Variants in PRELID2 observed in about 807,000 individuals in gnomAD.
The protein encoded by PRELID2 is PRELI domain-containing protein 2.
A neutral mutation model predicts 28.4 loss-of-function variants in PRELID2; 25 were observed. That is an observed-to-expected ratio of 0.88 (90% CI 0.64 to 1.23). The LOEUF is 1.23. PRELID2 is among the 50% of genes most tolerant of loss of function. PRELID2 has a pLI of 0.00. For missense variants in PRELID2, 201 were observed against 214.4 expected (o/e 0.94, Z 0.39); for synonymous variants, 76 against 71.6 (o/e 1.06, Z -0.31).
chr5:145,679,145 C>A (rs1224492168), intron 1 of PRELID2, among the ~76,000 whole-genome samples: 2 of 152,182 alleles, frequency 1.3e-5, no homozygotes, highest in African/African-American at 2.4e-5. Context: ...CTTCCAAGCC[C>A]TTCTTGGCCC....
At chr5:145,437,480 CT>C in the PRELID2 span, among the ~76,000 whole-genome samples, 1 of 152,116 alleles carries the variant, frequency 6.6e-6, no homozygotes, top group Non-Finnish European at 1.5e-5. Flanking sequence ...AATTAAATGT[CT>C]TTAGTATATT....
the PRELID2 span, among the ~76,000 whole-genome samples, chr5:145,234,097 G>A: frequency 6.6e-6 from 1 of 152,176 alleles, no homozygotes; most frequent in South Asian, 2.1e-4. Context: ...TTATATGCAA[G>A]AGAATATAAG....
intron 2 of PRELID2, 39 bp downstream of exon 2, chr5:145,823,038 T>G: frequency 1.9e-6 from 2 of 1,076,002 alleles, no homozygotes; most frequent in Non-Finnish European, 2.9e-6. Flanking sequence ...TCACTATCAT[T>G]TAATGATCAT....
At chr5:145,831,328 G>A (rs1359626083) in intron 1 of PRELID2, among the ~76,000 whole-genome samples, 1 of 152,158 alleles carries the variant, frequency 6.6e-6, no homozygotes, top group Non-Finnish European at 1.5e-5. Context: ...AAAGGAAGGA[G>A]TAACTTTTTC....
chr5:145,608,912 A>G (rs761137795), intron 1 of PRELID2, among the ~76,000 whole-genome samples: 1 of 152,176 alleles, frequency 6.6e-6, no homozygotes, highest in Non-Finnish European at 1.5e-5. Context: ...ACATAATCTC[A>G]TATTTCTCCA....
intron 1 of PRELID2, among the ~76,000 whole-genome samples, chr5:145,678,791 T>C (rs1251619656): frequency 4.6e-5 from 7 of 152,192 alleles, no homozygotes; most frequent in Non-Finnish European, 7.3e-5. Context: ...GTAATAATAC[T>C]TCCTTTGTAA....
chr5:145,401,269 G>A, the PRELID2 span, among the ~76,000 whole-genome samples: 2 of 149,806 alleles, frequency 1.3e-5, no homozygotes, highest in Middle Eastern at 3.2e-3. Flanking sequence ...CATTATCCTT[G>A]GTAAAATATG....
the PRELID2 span, chr5:145,229,952 G>T: frequency 1.3e-6 from 1 of 747,282 alleles, no homozygotes; most frequent in Admixed American, 1.8e-5. Context: ...GCGTGAACGT[G>T]CAGGGTGATT....
At chr5:145,498,594 A>G (rs1273373789) in intron 1 of PRELID2, among the ~76,000 whole-genome samples, 1 of 152,070 alleles carries the variant, frequency 6.6e-6, no homozygotes, top group African/African-American at 2.4e-5. Flanking sequence ...CAGTGGCACA[A>G]TCTCAGCTCA....
At chr5:145,487,840 T>A (rs1255548947) in intron 1 of PRELID2, among the ~76,000 whole-genome samples, 1 of 151,882 alleles carries the variant, frequency 6.6e-6, no homozygotes. Flanking sequence ...GAAATGGAAT[T>A]GGAGGCCGGG....
chr5:145,384,274 T>C, the PRELID2 span, among the ~76,000 whole-genome samples: 10 of 152,286 alleles, frequency 6.6e-5, no homozygotes, highest in East Asian at 1.9e-4. Context: ...CCAAGATTAA[T>C]GACAGCATAA....
chr5:145,786,580 TC>T (rs1369066469), intron 5 of PRELID2, among the ~76,000 whole-genome samples: 1 of 152,158 alleles, frequency 6.6e-6, no homozygotes, highest in Admixed American at 6.5e-5. Flanking sequence ...CTTGATTACA[TC>T]CCTGTGAAAC....
At chr5:145,690,963 T>TAA (rs79732473) in intron 1 of PRELID2, among the ~76,000 whole-genome samples, 5 of 142,756 alleles carry the variant, frequency 3.5e-5, no homozygotes, top group African/African-American at 2.5e-5. Context: ...ATTGTCTCCC[T>TAA]AAAAAAAAAA....
At chr5:145,488,949 C>T (rs1197370359) in intron 1 of PRELID2, among the ~76,000 whole-genome samples, 2 of 152,096 alleles carry the variant, frequency 1.3e-5, no homozygotes, top group Non-Finnish European at 2.9e-5. Flanking sequence ...CTTTTGGTAA[C>T]AACATTGTTA....
the PRELID2 span, among the ~76,000 whole-genome samples, chr5:145,340,209 C>T: frequency 1.3e-5 from 2 of 152,190 alleles, no homozygotes; most frequent in African/African-American, 4.8e-5. Context: ...CCATTGGCAC[C>T]TGATCCCTCC....
At chr5:145,329,450 T>G in the PRELID2 span, among the ~76,000 whole-genome samples, 4 of 152,208 alleles carry the variant, frequency 2.6e-5, no homozygotes, top group African/African-American at 9.6e-5. Flanking sequence ...TTCTCTCTTA[T>G]TTCCTTGAGC....
intron 5 of PRELID2, among the ~76,000 whole-genome samples, chr5:145,791,163 C>A (rs112093930): frequency 6.6e-6 from 1 of 152,006 alleles, no homozygotes; most frequent in Non-Finnish European, 1.5e-5. Flanking sequence ...GAGCAAGTCA[C>A]GTCTTACATG....
Position 145,545,489 on chromosome 5 carries a change from C to T in PRELID2, n.71-72174G>A, listed in dbSNP as rs142718225. ...CTAATTTTCAAAGTAAAACATGATA[C>T]TTCAAAGAAATTTTATCTAGTCATA... On this transcript the variant is annotated intron_variant and non_coding_transcript_variant, in intron 1 of 2. Coordinates refer to the PRELID2 transcript ENST00000510259. Among the ~76,000 whole-genome samples, 112 of 151,642 alleles carry T rather than the reference C, an allele frequency of 7.4e-4. No individual in the cohort carries two copies. The Middle Eastern group carries it at 0.01, about 14-fold the overall frequency.
At chr5:145,540,811 A>T (rs1487527979) in intron 1 of PRELID2, among the ~76,000 whole-genome samples, 1 of 151,928 alleles carries the variant, frequency 6.6e-6, no homozygotes, top group African/African-American at 2.4e-5. Flanking sequence ...GAATAAATCA[A>T]CTATAAAAAG....
Sources: gnomAD v4.1 joint callset for allele counts (sites outside exome capture counted in the v4.1 genomes callset) on GRCh38, gnomAD v4.1.1 for gene constraint, MANE v1.5 for transcripts, NCBI Gene and HGNC (gene_info 2026-07-23, HGNC 2026-07-21) for gene names.